ZFHX3: variants seen among roughly 807,000 people sequenced by gnomAD.
ZFHX3 encodes zinc finger homeobox 3, also known as zinc finger homeobox protein 3.
A neutral mutation model predicts 279.1 loss-of-function variants in ZFHX3; 42 were observed. The observed-to-expected ratio is 0.15, with a 90% confidence interval of 0.12 to 0.19. The LOEUF is 0.19. ZFHX3 is among the 10% of genes least tolerant of loss of function. The pLI, the probability that ZFHX3 is intolerant of heterozygous loss-of-function variation, is 1.00. For missense variants in ZFHX3, 4,981 were observed against 4,754.0 expected (o/e 1.05, Z -1.40); for synonymous variants, 2,293 against 1,957.8 (o/e 1.17, Z -4.52).
intron 4 of ZFHX3, among the ~76,000 whole-genome samples, chr16:72,844,924 T>C (rs1400849079): frequency 6.6e-6 from 1 of 150,976 alleles, no homozygotes; most frequent in Non-Finnish European, 1.5e-5. Flanking sequence ...AGTCCTGTAG[T>C]AACAGTGCTC....
intron 4 of ZFHX3, among the ~76,000 whole-genome samples, chr16:72,851,650 G>A (rs925402164): frequency 2.6e-5 from 4 of 151,976 alleles, no homozygotes; most frequent in African/African-American, 9.7e-5. Flanking sequence ...CGCCTCCCGG[G>A]TTCAAGAGAT....
chr16:73,609,120 A>C (rs1176157310), intron 2 of ZFHX3: 2 of 152,202 alleles, frequency 1.3e-5, no homozygotes, highest in East Asian at 1.9e-4. Flanking sequence ...TGCAGCTTTC[A>C]TTCTGGTAGA....
chr16:73,079,420 G>A (rs1346521429), intron 8 of ZFHX3, among the ~76,000 whole-genome samples: 1 of 152,122 alleles, frequency 6.6e-6, no homozygotes, highest in African/African-American at 2.4e-5. Flanking sequence ...AGCTATCTGG[G>A]AGGCTGAGTC....
chr16:72,919,622 T>C (rs2039531644), intron 3 of ZFHX3, among the ~76,000 whole-genome samples: 1 of 152,104 alleles, frequency 6.6e-6, no homozygotes, highest in Admixed American at 6.6e-5. Flanking sequence ...ATCACTAATG[T>C]GAACATTTTT....
At chr16:73,116,144 C>T (rs893810086) in intron 7 of ZFHX3, among the ~76,000 whole-genome samples, 1 of 151,342 alleles carries the variant, frequency 6.6e-6, no homozygotes, top group Admixed American at 6.6e-5. Flanking sequence ...AAAAATGTTG[C>T]TCTCTGCTTC....
intron 3 of ZFHX3, among the ~76,000 whole-genome samples, chr16:73,350,501 C>T (rs900907093): frequency 6.6e-6 from 1 of 152,158 alleles, no homozygotes; most frequent in African/African-American, 2.4e-5. Context: ...AGAGGTGGTA[C>T]TTGGGATTCC....
chr16:73,890,775 G>C (rs2030508412), intron 1 of ZFHX3, among the ~76,000 whole-genome samples: 1 of 151,946 alleles, frequency 6.6e-6, no homozygotes, highest in Admixed American at 6.6e-5. Flanking sequence ...TGCACTGATG[G>C]ACCAAATAAT....
At chr16:72,914,390 C>T (rs1159506214) in intron 3 of ZFHX3, among the ~76,000 whole-genome samples, 1 of 152,160 alleles carries the variant, frequency 6.6e-6, no homozygotes, top group East Asian at 1.9e-4. Context: ...ATACTTACTC[C>T]CATCTCAGCC....
chr16:73,582,016 T>C (rs1293269414), intron 2 of ZFHX3, among the ~76,000 whole-genome samples: 2 of 151,904 alleles, frequency 1.3e-5, no homozygotes, highest in African/African-American at 2.4e-5. Flanking sequence ...TGGGTAGGTA[T>C]ACATGCTTCC....
At chr16:72,799,989 T>G (rs762400303) in intron 8 of ZFHX3, 38 bp downstream of exon 8, 2 of 1,584,438 alleles carry the variant, frequency 1.3e-6, no homozygotes, top group Non-Finnish European at 1.7e-6. Flanking sequence ...CATTCCATCT[T>G]GTTTCAATTT....
chr16:72,952,411 C>T (rs1232356339), intron 2 of ZFHX3, among the ~76,000 whole-genome samples: 2 of 152,176 alleles, frequency 1.3e-5, no homozygotes, highest in African/African-American at 4.8e-5. Flanking sequence ...GTGGGGCTAC[C>T]CTAGGACCAA....
chr16:73,606,605 C>G (rs1438318427), intron 2 of ZFHX3, among the ~76,000 whole-genome samples: 1 of 152,030 alleles, frequency 6.6e-6, no homozygotes, highest in Non-Finnish European at 1.5e-5. Context: ...AAGTTCTGGG[C>G]TACATATGCA....
rs2035774607 is a variant in ZFHX3 at position 72,793,246 on chromosome 16, A to G, written c.9427+9T>C. ...TAGCCCTGAAACAATCGCCTAGAGC[A>G]GAACCCACCTGTGTTGGATGGAGTA... On this transcript the variant is annotated intron_variant, in intron 9 of 9. Coordinates refer to ENST00000268489, the MANE Select transcript of ZFHX3 (RefSeq NM_006885.4). The surrounding 1 kb of genome is among the most constrained non-coding windows in gnomAD (Gnocchi z 4.3). 2 of 1,605,896 alleles carry G rather than the reference A, an allele frequency of 1.2e-6. No homozygotes were observed. The highest frequency in any genetic ancestry group is 8.5e-7 in the Non-Finnish European group (1 of 1,175,640).
intron 1 of ZFHX3, among the ~76,000 whole-genome samples, chr16:73,731,984 A>G (rs1442784569): frequency 6.6e-6 from 1 of 152,136 alleles, no homozygotes; most frequent in Non-Finnish European, 1.5e-5. Context: ...AAAAATATGA[A>G]CCCTACTTGG....
At chr16:73,269,209 G>C (rs997256731) in intron 4 of ZFHX3, among the ~76,000 whole-genome samples, 4 of 152,076 alleles carry the variant, frequency 2.6e-5, no homozygotes, top group Non-Finnish European at 5.9e-5. Flanking sequence ...CCCCTTTAAA[G>C]TGTATGGATC....
intron 5 of ZFHX3, among the ~76,000 whole-genome samples, chr16:72,828,319 G>A (rs948698414): frequency 2.6e-5 from 4 of 152,064 alleles, no homozygotes; most frequent in Non-Finnish European, 4.4e-5. Context: ...TTATTTTCTA[G>A]AAGGCTTAAC....
chr16:73,077,312 T>C (rs1436926171), intron 8 of ZFHX3, among the ~76,000 whole-genome samples: 1 of 152,198 alleles, frequency 6.6e-6, no homozygotes, highest in Non-Finnish European at 1.5e-5. Context: ...GTGATATAAG[T>C]TCCCAACACT....
At chr16:73,092,269 CA>C (rs1329738973) in intron 8 of ZFHX3, 2 of 152,076 alleles carry the variant, frequency 1.3e-5, no homozygotes, top group Non-Finnish European at 2.9e-5. Context: ...CATGCACACA[CA>C]AAAAAGGATA....
At position 72,840,822 on chromosome 16, in the gene ZFHX3, A is replaced by C. The variant is rs115148415; in HGVS notation, c.3449-10963T>G. ...TTGTTTTGCATGATCATAAGCCACTAATATGCACAGCTGGTAAAATAAGCT... is the reference window on the plus strand; with the variant it reads ...TTGTTTTGCATGATCATAAGCCACTCATATGCACAGCTGGTAAAATAAGCT... On this transcript the variant is annotated intron_variant, in intron 4 of 9. Coordinates refer to ENST00000268489, the MANE Select transcript of ZFHX3 (RefSeq NM_006885.4). 1.2e-3 allele frequency among the ~76,000 whole-genome samples: 182 copies of C among 152,366 alleles called. 1 individual carries two copies. Among genetic ancestry groups the C allele is most frequent in the African/African-American group, 4.3e-3 (178 of 41,584 alleles).
Sources: gnomAD v4.1 joint callset for allele counts (sites outside exome capture counted in the v4.1 genomes callset) on GRCh38, gnomAD v4.1.1 for gene constraint, Gnocchi (gnomAD v3.1) non-coding constraint, MANE v1.5 for transcripts, NCBI Gene and HGNC (gene_info 2026-07-23, HGNC 2026-07-21) for gene names.